The following LIPA variants were observed in gnomAD, a reference collection of about 807,000 sequenced individuals.
LIPA encodes lipase A, lysosomal acid type, also known as lysosomal acid lipase/cholesteryl ester hydrolase.
In LIPA, 26 loss-of-function variants were observed where a neutral mutation model predicts 40.6. The observed-to-expected ratio is 0.64, with a 90% CI of 0.47 to 0.89. LIPA has a LOEUF of 0.89. Among genes scored for constraint, LIPA ranks in the 40% least tolerant of loss-of-function variants. The pLI is 0.00. For missense variants in LIPA, 455 were observed against 479.6 expected (o/e 0.95, Z 0.48); for synonymous variants, 188 against 168.4 (o/e 1.12, Z -0.90).
intron 2 of LIPA, among the ~76,000 whole-genome samples, chr10:89,380,399 C>T (rs1292674763): frequency 2.6e-5 from 4 of 151,512 alleles, no homozygotes; most frequent in Admixed American, 6.6e-5. Flanking sequence ...CACAGGCATA[C>T]AGGGATTAGG....
chr10:89,253,127 A>G (rs1766668650), upstream of LIPA, among the ~76,000 whole-genome samples: 3 of 152,168 alleles, frequency 2.0e-5, no homozygotes, highest in South Asian at 4.2e-4. Flanking sequence ...GTAAGATGAG[A>G]AGCCAGTGTA....
At chr10:89,388,073 A>C (rs766859150) in intron 2 of LIPA, among the ~76,000 whole-genome samples, 6 of 152,172 alleles carry the variant, frequency 3.9e-5, no homozygotes, top group Non-Finnish European at 7.3e-5. Flanking sequence ...CATTTTTAAT[A>C]GGATATAGCT....
intron 8 of LIPA, among the ~76,000 whole-genome samples, chr10:89,219,639 A>G (rs1842671234): frequency 6.6e-6 from 1 of 152,186 alleles, no homozygotes; most frequent in Non-Finnish European, 1.5e-5. Context: ...CCACACCTGA[A>G]TTCTAGCCCC....
At chr10:89,328,860 G>A (rs1371618702) in intron 1 of LIPA, among the ~76,000 whole-genome samples, 1 of 152,154 alleles carries the variant, frequency 6.6e-6, no homozygotes, top group Non-Finnish European at 1.5e-5. Context: ...GGATTGAGTA[G>A]GAAGGCTCCC....
At chr10:89,283,069 C>A (rs1449850563) in intron 1 of LIPA, among the ~76,000 whole-genome samples, 1 of 152,192 alleles carries the variant, frequency 6.6e-6, no homozygotes, top group Non-Finnish European at 1.5e-5. Flanking sequence ...CTTAAAGCTG[C>A]CTCCTTGCAT....
chr10:89,307,493 G>C (rs1843490087), intron 1 of LIPA: 6 of 803,990 alleles, frequency 7.5e-6, no homozygotes, highest in East Asian at 2.6e-5. Flanking sequence ...TAAGACACTG[G>C]CCATACCACT....
At chr10:89,250,398 C>T (rs1188421529) in intron 1 of LIPA, among the ~76,000 whole-genome samples, 3 of 152,132 alleles carry the variant, frequency 2.0e-5, no homozygotes, top group African/African-American at 4.8e-5. Context: ...CCACCGCGCC[C>T]GACCGTGAAC....
rs116635063 is a variant in LIPA at position 89,409,054 on chromosome 10, C to T, written c.61+3737G>A. ...AGGGAAAGGAAGAAAATCCTTCTGC[C>T]GTCCTTGAGCGGCTACGGGAGGCCT... On this transcript the variant is annotated intron_variant, in intron 2 of 8. Transcript: ENST00000371837. Among the ~76,000 whole-genome samples, 1,471 of 152,284 alleles carry T rather than the reference C, an allele frequency of 9.7e-3. 20 individuals are homozygous for T. Among genetic ancestry groups the T allele is most frequent in the African/African-American group, 0.033 (1,367 of 41,544 alleles).
intron 1 of LIPA, among the ~76,000 whole-genome samples, chr10:89,273,105 T>A (rs4933500): frequency 0.75 from 114,326 of 152,198 alleles, 44,382 homozygotes; most frequent in East Asian, 0.97. Flanking sequence ...GTGCCCTGTC[T>A]TAGAAATGAA....
chr10:89,314,934 C>T lies in LIPA; in HGVS notation c.-2+27677G>A, dbSNP rs142389688. On this transcript the variant is annotated intron_variant, in intron 1 of 5. Transcript: ENST00000282673. ...CTCTGATCTTTATTGCTACAATCCT[C>T]TCTGAACTCCAAAGCAGAATCTGTC... Among the ~76,000 whole-genome samples, 74 of 152,372 alleles carry T rather than the reference C, an allele frequency of 4.9e-4. No individual in the cohort carries two copies. In the East Asian group the frequency reaches 0.013, roughly 28 times the overall value.
At chr10:89,329,443 C>T (rs142191444) in intron 1 of LIPA, among the ~76,000 whole-genome samples, 21 of 152,212 alleles carry the variant, frequency 1.4e-4, no homozygotes, top group African/African-American at 4.6e-4. Flanking sequence ...GTGTCTATAG[C>T]CACTGACCTG....
intron 2 of LIPA, among the ~76,000 whole-genome samples, chr10:89,394,799 C>T (rs929594387): frequency 4.0e-5 from 6 of 151,652 alleles, no homozygotes; most frequent in African/African-American, 1.2e-4. Context: ...ACATTTTTCT[C>T]GCTATGTGGA....
chr10:89,391,665 G>C (rs943332219), intron 2 of LIPA, among the ~76,000 whole-genome samples: 2 of 151,968 alleles, frequency 1.3e-5, no homozygotes, highest in African/African-American at 4.8e-5. Context: ...GAGTAGGTGG[G>C]ACTACAGGTG....
chr10:89,266,832 A>G (rs1236657606), intron 1 of LIPA, among the ~76,000 whole-genome samples: 1 of 152,236 alleles, frequency 6.6e-6, no homozygotes, highest in East Asian at 1.9e-4. Context: ...AGCTCTGTAT[A>G]TTGCCCTGAG....
intron 2 of LIPA, among the ~76,000 whole-genome samples, chr10:89,367,865 CTGGA>C (rs1188551773): frequency 6.6e-6 from 1 of 152,120 alleles, no homozygotes; most frequent in East Asian, 1.9e-4. Flanking sequence ...GTCACCAAAG[CTGGA>C]CTGCAGTAGC....
intron 1 of LIPA, among the ~76,000 whole-genome samples, chr10:89,310,203 G>A (rs1410297388): frequency 6.6e-6 from 1 of 152,018 alleles, no homozygotes; most frequent in Non-Finnish European, 1.5e-5. Context: ...TTATTTCTCT[G>A]CCTCAGAGTC....
At chr10:89,332,703 T>C in intron 1 of LIPA, 2 of 1,434,982 alleles carry the variant, frequency 1.4e-6, no homozygotes, top group African/African-American at 2.8e-5. Flanking sequence ...ATTTCAGTGT[T>C]TGCTTAGAGA....
intron 1 of LIPA, among the ~76,000 whole-genome samples, chr10:89,258,499 A>G (rs1054636335): frequency 2.0e-5 from 3 of 152,238 alleles, no homozygotes; most frequent in Non-Finnish European, 4.4e-5. Flanking sequence ...ATGATGAGAT[A>G]CCACTTCATA....
chr10:89,275,123 A>T (rs1843283361), intron 1 of LIPA, among the ~76,000 whole-genome samples: 1 of 152,202 alleles, frequency 6.6e-6, no homozygotes, highest in Non-Finnish European at 1.5e-5. Flanking sequence ...TTCAGTCAGG[A>T]TGAGTCAGTA....
Sources: allele counts gnomAD v4.1 joint callset (sites outside exome capture counted in the v4.1 genomes callset), GRCh38; gene constraint gnomAD v4.1.1; transcripts MANE v1.5; gene names NCBI Gene and HGNC (gene_info 2026-07-23, HGNC 2026-07-21).